The following DOK6 variants were observed in gnomAD, a reference collection of about 807,000 sequenced individuals.
DOK6 encodes downstream of tyrosine kinase 6.
DOK6 carries 22 observed loss-of-function variants against 44.0 expected under a neutral mutation model. That is an observed-to-expected ratio of 0.50 (90% confidence interval 0.36 to 0.71). The LOEUF is 0.71. Among genes scored for constraint, DOK6 ranks in the 30% least tolerant of loss-of-function variants. DOK6 has a pLI of 0.00. For synonymous variants in DOK6, 166 were observed against 145.5 expected, an observed-to-expected ratio of 1.14 and a Z score of -1.01; for missense variants, 340 against 416.4, an observed-to-expected ratio of 0.82 and a Z score of 1.60.
chr18:69,429,954 T>A (rs556522365), intron 1 of DOK6, among the ~76,000 whole-genome samples: 1 of 152,142 alleles, frequency 6.6e-6, no homozygotes, highest in Non-Finnish European at 1.5e-5. Context: ...TTTTATCTAA[T>A]GAAATTTCCT....
At chr18:69,673,234 A>G (rs1362797241) in intron 3 of DOK6, among the ~76,000 whole-genome samples, 2 of 151,962 alleles carry the variant, frequency 1.3e-5, no homozygotes, top group Non-Finnish European at 2.9e-5. Context: ...CTGTGTGTAT[A>G]TATATATATA....
intron 3 of DOK6, among the ~76,000 whole-genome samples, chr18:69,664,299 T>C (rs1985601459): frequency 6.6e-6 from 1 of 152,206 alleles, no homozygotes; most frequent in South Asian, 2.1e-4. Context: ...TTCCAATGAA[T>C]GGAAAATTAA....
chr18:69,824,288 A>G (rs2145126887), intron 7 of DOK6, among the ~76,000 whole-genome samples: 1 of 148,602 alleles, frequency 6.7e-6, no homozygotes, highest in Non-Finnish European at 1.5e-5. Context: ...GGATGAGAAC[A>G]TGCGGTGTTT....
intron 3 of DOK6, among the ~76,000 whole-genome samples, chr18:69,636,773 A>G (rs919390409): frequency 4.6e-5 from 7 of 152,244 alleles, no homozygotes; most frequent in African/African-American, 1.7e-4. Flanking sequence ...CCAGAAATAC[A>G]ATGATTATAA....
At chr18:69,579,509 C>T (rs1234519813) in intron 2 of DOK6, among the ~76,000 whole-genome samples, 1 of 151,946 alleles carries the variant, frequency 6.6e-6, no homozygotes, top group Non-Finnish European at 1.5e-5. Flanking sequence ...TCATGTTAAT[C>T]TCCTAGTCCT....
intron 2 of DOK6, among the ~76,000 whole-genome samples, chr18:69,597,088 TATG>T (rs1415858919): frequency 2.6e-5 from 4 of 152,050 alleles, no homozygotes; most frequent in African/African-American, 7.2e-5. Context: ...AAATTATAAA[TATG>T]ATGTAATGTT....
intron 7 of DOK6, among the ~76,000 whole-genome samples, chr18:69,803,385 T>C (rs1980958872): frequency 6.6e-6 from 1 of 152,080 alleles, no homozygotes; most frequent in Non-Finnish European, 1.5e-5. Flanking sequence ...ATTCAGAAAA[T>C]TCTTCTTAAA....
intron 6 of DOK6, among the ~76,000 whole-genome samples, chr18:69,749,132 A>T (rs1438623345): frequency 3.3e-5 from 5 of 151,964 alleles, no homozygotes; most frequent in African/African-American, 9.7e-5. Context: ...AGGGATGGGG[A>T]CAACACACAC....
At chr18:69,818,559 T>C (rs551085789) in intron 7 of DOK6, among the ~76,000 whole-genome samples, 1 of 152,286 alleles carries the variant, frequency 6.6e-6, no homozygotes, top group East Asian at 1.9e-4. Flanking sequence ...TTTTCAGGAC[T>C]TTCAACTGAT....
chr18:69,783,048 C>A (rs1980324461), intron 7 of DOK6, among the ~76,000 whole-genome samples: 1 of 152,140 alleles, frequency 6.6e-6, no homozygotes, highest in Non-Finnish European at 1.5e-5. Context: ...TTGATCAGAG[C>A]CATTGATTCA....
intron 1 of DOK6, among the ~76,000 whole-genome samples, chr18:69,424,456 C>G (rs76679460): frequency 2.0e-5 from 3 of 152,108 alleles, no homozygotes; most frequent in Admixed American, 6.5e-5. Context: ...TATGTGACAT[C>G]TTTTCTTAAT....
intron 7 of DOK6, among the ~76,000 whole-genome samples, chr18:69,794,593 C>T (rs879796350): frequency 6.6e-6 from 1 of 152,134 alleles, no homozygotes; most frequent in African/African-American, 2.4e-5. Context: ...TCACCATACT[C>T]ATCATATTCT....
intron 1 of DOK6, among the ~76,000 whole-genome samples, chr18:69,402,257 C>T (rs1393950995): frequency 2.6e-5 from 4 of 152,130 alleles, no homozygotes; most frequent in Non-Finnish European, 5.9e-5. Flanking sequence ...CTGTTCCAGA[C>T]TCTGGTTGTG....
At chr18:69,506,391 G>A (rs1193805771) in intron 1 of DOK6, among the ~76,000 whole-genome samples, 3 of 152,056 alleles carry the variant, frequency 2.0e-5, no homozygotes, top group Non-Finnish European at 4.4e-5. Context: ...ATTTCCTTAT[G>A]TCTTTTTGTC....
chr18:69,574,071 A>T (rs1983182071), intron 2 of DOK6, among the ~76,000 whole-genome samples: 1 of 152,018 alleles, frequency 6.6e-6, no homozygotes, highest in Admixed American at 6.6e-5. Context: ...TTATTGGGGA[A>T]TTGCTATTAA....
At chr18:69,801,770 C>T (rs890570378) in intron 7 of DOK6, among the ~76,000 whole-genome samples, 3 of 152,188 alleles carry the variant, frequency 2.0e-5, no homozygotes, top group African/African-American at 7.2e-5. Context: ...CAGATTAAAA[C>T]CATCTTATGT....
chr18:69,672,732 A>G (rs1985835207), intron 3 of DOK6, among the ~76,000 whole-genome samples: 1 of 151,824 alleles, frequency 6.6e-6, no homozygotes, highest in African/African-American at 2.4e-5. Flanking sequence ...CGGTGGGGAA[A>G]CAAAAGTCCA....
chr18:69,670,978 AACACACAC>A (rs142645535), intron 3 of DOK6, among the ~76,000 whole-genome samples: 1 of 151,098 alleles, frequency 6.6e-6, no homozygotes. Flanking sequence ...TCCCTCCCCC[AACACACAC>A]ACACACGCAC....
intron 5 of DOK6, among the ~76,000 whole-genome samples, chr18:69,699,234 T>C (rs552262121): frequency 6.6e-6 from 1 of 152,284 alleles, no homozygotes; most frequent in Non-Finnish European, 1.5e-5. Flanking sequence ...TTGGGGATTT[T>C]ATATGAGGAG....
Sources: allele counts gnomAD v4.1 joint callset (sites outside exome capture counted in the v4.1 genomes callset), GRCh38; gene constraint gnomAD v4.1.1; transcripts MANE v1.5; gene names NCBI Gene and HGNC (gene_info 2026-07-23, HGNC 2026-07-21).